CNBD2: variants seen among roughly 807,000 people sequenced by gnomAD.
CNBD2 encodes cyclic nucleotide binding domain containing 2, also known as cyclic nucleotide-binding domain-containing protein 2.
Under a neutral mutation model 63.7 loss-of-function variants are expected in CNBD2, and 64 were observed. The observed-to-expected ratio is 1.00, with a 90% confidence interval of 0.82 to 1.24. The LOEUF (loss-of-function observed/expected upper bound fraction) is 1.24. Ranked by LOEUF, CNBD2 falls within the 50% of genes most tolerant of loss-of-function variation. The pLI is 0.00. For missense variants in CNBD2, 691 were observed against 713.5 expected (o/e 0.97, Z 0.36); for synonymous variants, 229 against 255.4 (o/e 0.90, Z 0.99).
chr20:35,968,091 C>G (rs1178524778), upstream of CNBD2, among the ~76,000 whole-genome samples: 2 of 152,174 alleles, frequency 1.3e-5, no homozygotes, highest in Non-Finnish European at 2.9e-5. Flanking sequence ...CATCTCTAAT[C>G]CCTTCTCAGC....
chr20:36,030,495 C>A lies in CNBD2; in HGVS notation c.1578C>A (p.Asn526Lys), dbSNP rs1383896803. 6.2e-7 allele frequency: 1 copy of A among 1,614,136 alleles called. No individual in the cohort carries two copies. The highest frequency in any genetic ancestry group is 1.7e-5 in the Admixed American group (1 of 60,004). Residue 526 changes from asparagine to lysine, a missense_variant, in exon 12 of 12, where the codon AAC (asparagine) becomes AAA (lysine). By Grantham distance (94) the Asn-to-Lys change is moderately conservative. Transcript: ENST00000373973. ...PNRPKKREIY[N>K]PKSVVLDLCS... ...GGCCCAAGAAGAGAGAGATCTACAA[C>A]CCTAAGTCTGTGGTCCTGGATTTGT...
Position 36,008,357 on chromosome 20 carries a change from T to G in CNBD2, c.1031T>G (p.Phe344Cys). Residue 344 changes from phenylalanine (F) to cysteine (C), a missense_variant, in exon 9 of 12, where the codon TTT (phenylalanine) becomes TGT (cysteine). By Grantham distance (205) the Phe-to-Cys change is radical (BLOSUM62 -2). Transcript: ENST00000373973. ...ATCAAATCATATCCTCTGCAAGACT[T>G]TAGCTCCTTGAAACTTCCACATCTC... The part of the protein sequence containing the change: ...FQIKSYPLQD[F>C]SSLKLPHLKK... The G allele has an allele frequency of 1.2e-6, 2 of 1,614,024 alleles. No individual in the cohort carries two copies. The highest frequency in any genetic ancestry group is 1.7e-6 in the Non-Finnish European group (2 of 1,179,978).
At chr20:35,963,672 A>T (rs902044835), upstream of CNBD2, among the ~76,000 whole-genome samples, 11 of 152,178 alleles carry the variant, frequency 7.2e-5, no homozygotes, top group Admixed American at 2.0e-4. Context: ...AATAGTTTCT[A>T]TTGGGGTCAC....
At chr20:35,971,484 C>T (rs537288352) in intron 1 of CNBD2, among the ~76,000 whole-genome samples, 30 of 152,190 alleles carry the variant, frequency 2.0e-4, no homozygotes, top group African/African-American at 6.7e-4. Context: ...GGCGCGATCT[C>T]AGCTCACTGC....
intron 8 of CNBD2, among the ~76,000 whole-genome samples, chr20:36,007,185 C>T (rs2056996749): frequency 6.8e-6 from 1 of 146,474 alleles, no homozygotes; most frequent in Non-Finnish European, 1.5e-5. Flanking sequence ...TGAGAATCCT[C>T]TCAAAAATAA....
intron 3 of CNBD2, among the ~76,000 whole-genome samples, chr20:35,979,831 G>C (rs771352906): frequency 1.3e-5 from 2 of 152,180 alleles, no homozygotes; most frequent in South Asian, 2.1e-4. Flanking sequence ...CACATGCCAG[G>C]GACAGGTAGA....
chr20:35,963,413 G>A (rs1176842080), intron 2 of CNBD2, among the ~76,000 whole-genome samples: 2 of 151,732 alleles, frequency 1.3e-5, no homozygotes, highest in Admixed American at 6.6e-5. Context: ...CGGTCACGGT[G>A]GCGGATCACT....
rs1386314564 is a variant in CNBD2, at chr20:35,995,029, T to C, written c.856-9T>C. On this transcript the variant is annotated splice_polypyrimidine_tract_variant and intron_variant, in intron 7 of 11. Coordinates refer to ENST00000373973, the MANE Select transcript of CNBD2 (RefSeq NM_001365709.1). ...TTAACCCTTTTCCTATGTCCCTTGC[T>C]GTGTTCAGGGCAGCTGTGAAGTCCT... 6.2e-7 allele frequency: 1 copy of C among 1,607,012 alleles called. No individual in the cohort carries two copies. Among genetic ancestry groups the C allele is most frequent in the African/African-American group, 1.3e-5 (1 of 74,816 alleles).
At position 35,985,487 on chromosome 20, in the gene CNBD2, CTTT is replaced by C. The variant is rs376746279; in HGVS notation, c.716+723_716+725del. 6.2e-3 allele frequency among the ~76,000 whole-genome samples: 835 copies of C among 134,134 alleles called. 2 individuals are homozygous for C. The highest frequency in any genetic ancestry group is 9.1e-3 in the Non-Finnish European group (571 of 62,788). The allele number at this position is 134,134 out of a possible 152,430, so 88.0% of individuals were successfully genotyped here. A position where few individuals can be genotyped will look rare whatever the true frequency, so the allele number is the denominator to read the frequency against. On this transcript the variant is annotated intron_variant, in intron 6 of 11. Transcript: ENST00000373973. Reference sequence around the variant, plus strand: ...AGCCCAAACTATAAAACTATAATTCCTTTTTTTTTTTTTTTTGAGAGAGGGTCT... The same window carrying C: ...AGCCCAAACTATAAAACTATAATTCCTTTTTTTTTTTTTGAGAGAGGGTCT...
At chr20:35,960,298 G>A (rs2056296006), downstream of CNBD2, among the ~76,000 whole-genome samples, 1 of 152,148 alleles carries the variant, frequency 6.6e-6, no homozygotes. Flanking sequence ...CAATGAATGA[G>A]AATTTTAGTT....
chr20:36,006,682 G>A (rs144137218), intron 8 of CNBD2, among the ~76,000 whole-genome samples: 10 of 152,260 alleles, frequency 6.6e-5, no homozygotes, highest in Admixed American at 5.2e-4. Context: ...CTTCCAAAGC[G>A]TGGGATTACA....
chr20:36,016,573 T>A (rs563981821), intron 10 of CNBD2, among the ~76,000 whole-genome samples: 1 of 152,222 alleles, frequency 6.6e-6, no homozygotes, highest in African/African-American at 2.4e-5. Context: ...GTGGATCACC[T>A]GAGGTTGGGA....
At chr20:35,979,136 G>A (rs1329003543) in intron 3 of CNBD2, among the ~76,000 whole-genome samples, 1 of 152,148 alleles carries the variant, frequency 6.6e-6, no homozygotes, top group Non-Finnish European at 1.5e-5. Flanking sequence ...AGGGAAAATG[G>A]TGAGAAATGG....
Position 35,984,701 on chromosome 20 carries a change from T to C in CNBD2, c.639T>C (p.Val213=), listed in dbSNP as rs1403409584. The part of the protein sequence containing the change: ...VCMEETEFLV[V]DREDFFANKL... ...TGGAAGAAACGGAGTTCCTGGTTGT[T>C]GACCGGGAGGACTTCTTTGCTAATA... is the stretch of plus-strand genomic sequence containing the variant. Residue 213 remains valine, a synonymous_variant, in exon 6 of 12, where the codon GTT becomes GTC. Coordinates refer to ENST00000373973, the MANE Select transcript of CNBD2 (RefSeq NM_001365709.1). The C allele has an allele frequency of 3.1e-6, 5 of 1,614,136 alleles. No individual in the cohort carries two copies. Among genetic ancestry groups the C allele is most frequent in the East Asian group, 4.5e-5 (2 of 44,890 alleles).
At chr20:36,024,692 G>C (rs1482900367) in intron 11 of CNBD2, among the ~76,000 whole-genome samples, 1 of 151,682 alleles carries the variant, frequency 6.6e-6, no homozygotes, top group South Asian at 2.1e-4. Flanking sequence ...ACTTTGGGAG[G>C]CCGAGGCAGG....
chr20:35,959,666 G>C (rs1466088391), downstream of CNBD2, among the ~76,000 whole-genome samples: 1 of 152,186 alleles, frequency 6.6e-6, no homozygotes, highest in Non-Finnish European at 1.5e-5. Flanking sequence ...TTCAAGATGA[G>C]ATTTGGGTGC....
upstream of CNBD2, among the ~76,000 whole-genome samples, chr20:35,963,905 G>T (rs753700986): frequency 2.6e-5 from 4 of 152,192 alleles, no homozygotes; most frequent in African/African-American, 4.8e-5. Flanking sequence ...ATGCCTGGCA[G>T]ATGACTTAAT....
At chr20:35,973,285 AGGAATCACAATAACCAG>A in intron 2 of CNBD2, 1 of 158,896 alleles carries the variant, frequency 6.3e-6, no homozygotes, top group Non-Finnish European at 1.4e-5. Context: ...GAAGCAATCC[AGGAATCACAATAACCAG>A]GGTTTTCTAA....
chr20:35,971,095 C>T (rs577112518), intron 1 of CNBD2, among the ~76,000 whole-genome samples: 1 of 151,038 alleles, frequency 6.6e-6, no homozygotes, highest in Admixed American at 6.6e-5. Flanking sequence ...CTACAGGCGC[C>T]CGCCACTACG....
Sources: allele counts gnomAD v4.1 joint callset (sites outside exome capture counted in the v4.1 genomes callset), GRCh38; gene constraint gnomAD v4.1.1; transcripts MANE v1.5; gene names NCBI Gene and HGNC (gene_info 2026-07-23, HGNC 2026-07-21).